Variants in IGSF11 observed in about 807,000 individuals in gnomAD.
The protein encoded by IGSF11 is CXADR like 1.
In IGSF11, 22 loss-of-function variants were observed where a neutral mutation model predicts 41.0. That is an observed-to-expected ratio of 0.54 (90% CI 0.38 to 0.77). The LOEUF is 0.77. Ranked by LOEUF, IGSF11 falls within the 30% of genes least tolerant of loss-of-function variation. IGSF11 has a pLI of 0.00. For synonymous variants in IGSF11, 219 were observed against 201.3 expected (o/e 1.09, Z -0.74); for missense variants, 444 against 530.8 (o/e 0.84, Z 1.61).
intron 1 of IGSF11, among the ~76,000 whole-genome samples, chr3:119,121,871 T>C (rs992386654): frequency 6.6e-6 from 1 of 152,140 alleles, no homozygotes; most frequent in African/African-American, 2.4e-5. Context: ...TGACTTCTTA[T>C]AAGAAACCAT....
At chr3:118,921,486 T>C (rs1320830846) in intron 4 of IGSF11, among the ~76,000 whole-genome samples, 1 of 152,138 alleles carries the variant, frequency 6.6e-6, no homozygotes, top group East Asian at 1.9e-4. Flanking sequence ...AAGAGAATAA[T>C]GATGGTAATT....
chr3:119,115,158 C>T (rs1357752721), intron 1 of IGSF11, among the ~76,000 whole-genome samples: 2 of 152,186 alleles, frequency 1.3e-5, no homozygotes, highest in Non-Finnish European at 2.9e-5. Context: ...AACCATATCC[C>T]TCAGGTTGCT....
intron 1 of IGSF11, among the ~76,000 whole-genome samples, chr3:118,943,590 T>C (rs1057231429): frequency 1.3e-5 from 2 of 152,232 alleles, no homozygotes; most frequent in Non-Finnish European, 2.9e-5. Context: ...AATTTCTTGC[T>C]GCTTAGCTTT....
intron 1 of IGSF11, among the ~76,000 whole-genome samples, chr3:119,078,824 A>G (rs1382785127): frequency 1.3e-5 from 2 of 152,200 alleles, no homozygotes; most frequent in African/African-American, 2.4e-5. Flanking sequence ...GCATCCTACA[A>G]TGGTCTAATA....
chr3:119,008,176 CA>C (rs199828235), intron 1 of IGSF11, among the ~76,000 whole-genome samples: 1 of 151,420 alleles, frequency 6.6e-6, no homozygotes, highest in Non-Finnish European at 1.5e-5. Flanking sequence ...ACAACAACAA[CA>C]AAAAAAACGT....
intron 1 of IGSF11, among the ~76,000 whole-genome samples, chr3:119,099,021 A>G (rs1355503712): frequency 6.6e-6 from 1 of 152,218 alleles, no homozygotes; most frequent in Non-Finnish European, 1.5e-5. Flanking sequence ...ATAATGTTTC[A>G]CTTTTTAAAA....
chr3:118,956,439 T>C (rs1241837167), intron 1 of IGSF11, among the ~76,000 whole-genome samples: 1 of 152,226 alleles, frequency 6.6e-6, no homozygotes, highest in Non-Finnish European at 1.5e-5. Context: ...GCTTTTGATT[T>C]AAAGCAAGAG....
At chr3:119,024,794 A>G (rs188813622) in intron 1 of IGSF11, among the ~76,000 whole-genome samples, 2 of 152,186 alleles carry the variant, frequency 1.3e-5, no homozygotes, top group African/African-American at 4.8e-5. Flanking sequence ...TTAGACAAAG[A>G]AAGCTCATTA....
intron 4 of IGSF11, among the ~76,000 whole-genome samples, chr3:118,920,939 T>C (rs1941717360): frequency 6.6e-6 from 1 of 152,208 alleles, no homozygotes; most frequent in African/African-American, 2.4e-5. Flanking sequence ...GCCTCTTTGA[T>C]ATTCATCAAG....
chr3:118,980,159 A>C (rs1049537114), intron 1 of IGSF11, among the ~76,000 whole-genome samples: 3 of 152,210 alleles, frequency 2.0e-5, no homozygotes, highest in Non-Finnish European at 2.9e-5. Flanking sequence ...ACAATCCAGC[A>C]ATCCCACTAC....
intron 1 of IGSF11, among the ~76,000 whole-genome samples, chr3:118,965,702 T>C (rs1416435464): frequency 1.3e-5 from 2 of 152,110 alleles, no homozygotes; most frequent in African/African-American, 4.8e-5. Context: ...ATTAAAAATT[T>C]AGCAGATGTG....
chr3:118,993,154 A>G (rs548621251), intron 1 of IGSF11, among the ~76,000 whole-genome samples: 2 of 152,284 alleles, frequency 1.3e-5, no homozygotes, highest in African/African-American at 4.8e-5. Flanking sequence ...TTTGAGCCCA[A>G]GAGTTCAAGG....
At chr3:119,008,633 G>C (rs900164217) in intron 1 of IGSF11, among the ~76,000 whole-genome samples, 1 of 152,200 alleles carries the variant, frequency 6.6e-6, no homozygotes, top group Non-Finnish European at 1.5e-5. Context: ...AGTCCACAGA[G>C]TGTTCCTGAA....
intron 1 of IGSF11, among the ~76,000 whole-genome samples, chr3:119,086,428 CA>C (rs1425954362): frequency 6.6e-6 from 1 of 151,678 alleles, no homozygotes; most frequent in African/African-American, 2.4e-5. Context: ...CCCCAAGGAA[CA>C]GTGTCATCAG....
chr3:119,131,258 G>A (rs951439027), intron 1 of IGSF11, among the ~76,000 whole-genome samples: 1 of 151,952 alleles, frequency 6.6e-6, no homozygotes, highest in African/African-American at 2.4e-5. Flanking sequence ...ATTTATCTGA[G>A]CTAAAGGAGG....
At chr3:118,986,120 G>T (rs1435653) in intron 1 of IGSF11, among the ~76,000 whole-genome samples, 11,314 of 152,088 alleles carry the variant, frequency 0.074, 500 homozygotes, top group East Asian at 0.13. Flanking sequence ...ACTTCCCTCT[G>T]CCTGGAATGT....
intron 4 of IGSF11, among the ~76,000 whole-genome samples, chr3:118,913,227 G>A (rs549464375): frequency 1.3e-5 from 2 of 151,812 alleles, no homozygotes; most frequent in East Asian, 3.9e-4. Context: ...AGAGCTAACA[G>A]GAAACAATAA....
chr3:119,042,316 G>A (rs775297929), intron 1 of IGSF11, among the ~76,000 whole-genome samples: 18 of 152,352 alleles, frequency 1.2e-4, no homozygotes, highest in South Asian at 4.1e-4. Flanking sequence ...GGCAGGCAGG[G>A]AGGGGCGAAG....
In IGSF11 at chr3:119,044,728, T is replaced by C. The variant is rs139515339; in HGVS notation, c.49+60416A>G. 3.3e-5 allele frequency among the ~76,000 whole-genome samples: 5 copies of C among 152,316 alleles called. No individual in the cohort carries two copies. In the East Asian group the frequency reaches 7.7e-4, roughly 23 times the overall value. ...CTAACACCAGATTTCTCAGCAGAAA[T>C]CCTGCAAGCCAAAAGGATCTGTAGC... On this transcript the variant is annotated intron_variant, in intron 1 of 6. Coordinates refer to the IGSF11 transcript ENST00000354673.
Sources: allele counts gnomAD v4.1 joint callset (sites outside exome capture counted in the v4.1 genomes callset), GRCh38; gene constraint gnomAD v4.1.1; transcripts MANE v1.5; gene names NCBI Gene and HGNC (gene_info 2026-07-23, HGNC 2026-07-21).